The following SMARCA5 variants were observed in gnomAD, a reference collection of about 807,000 sequenced individuals.
The protein encoded by SMARCA5 is SWI/SNF-related matrix-associated actin-dependent regulator of chromatin subfamily A member 5.
A neutral mutation model predicts 140.4 loss-of-function variants in SMARCA5; 18 were observed. The observed-to-expected ratio is 0.13, with a 90% CI of 0.09 to 0.19. The LOEUF is 0.19. Among genes scored for constraint, SMARCA5 ranks in the 10% least tolerant of loss-of-function variants. The probability of loss-of-function intolerance (pLI) is 1.00; values close to 1 mark genes in which losing one functional copy is unlikely to be tolerated. For missense variants in SMARCA5, 606 were observed against 1,276.8 expected, an observed-to-expected ratio of 0.47 and a Z score of 8.01; for synonymous variants, 449 against 419.6, an observed-to-expected ratio of 1.07 and a Z score of -0.86.
At chr4:143,539,883 A>T (rs1212538046) in intron 13 of SMARCA5, among the ~76,000 whole-genome samples, 1 of 152,152 alleles carries the variant, frequency 6.6e-6, no homozygotes, top group African/African-American at 2.4e-5. Flanking sequence ...GACAGGGGAA[A>T]ATGGACCAAT....
At chr4:143,547,834 A>T (rs572956710) in intron 21 of SMARCA5, 94 bp from the exon 22 acceptor site, 5 of 728,802 alleles carry the variant, frequency 6.9e-6, no homozygotes, top group Non-Finnish European at 1.1e-5. Flanking sequence ...CTGATTTGAA[A>T]TGCAACATTT....
rs377525719 is a variant in SMARCA5, at chr4:143,514,075, G to T, written c.151G>T (p.Ala51Ser). Residue 51 changes from alanine (A) to serine (S), a missense_variant, in exon 1 of 24, where the codon GCT becomes TCT. Transcript: ENST00000283131. ...GCAGGCGGTTGCGTCTGCGGCCAGC[G>T]CTGGTCCCGCAGACGCCGAGATGGA... Reference protein sequence around the residue: ...AAQAVASAASAGPADAEMEEI... With the variant: ...AAQAVASAASSGPADAEMEEI... 1,565 of 1,557,196 alleles carry T rather than the reference G, an allele frequency of 1.0e-3. 2 individuals carry two copies. The highest frequency in any genetic ancestry group is 1.2e-3 in the Non-Finnish European group (1,449 of 1,160,002).
In SMARCA5 at chr4:143,553,353, C is replaced by T. The variant is rs907192686; in HGVS notation, c.*169C>T. On this transcript the variant is annotated 3_prime_UTR_variant, in exon 24 of 24. Transcript: ENST00000283131. ...TGTAGTTTCACTTTTTTAAATGCAA[C>T]AGCTGTGCTGAAATTTTTTTATCAT... 3 of 504,496 alleles carry T rather than the reference C, an allele frequency of 5.9e-6. No individual in the cohort carries two copies. The Admixed American group carries it at 1.1e-4, about 18-fold the overall frequency. 31.3% of individuals were successfully genotyped at this position (504,496 alleles called of 1,614,324 possible). A position where few individuals can be genotyped will look rare whatever the true frequency, so the allele number is the denominator to read the frequency against.
At chr4:143,539,969 A>T (rs1420705214) in intron 13 of SMARCA5, among the ~76,000 whole-genome samples, 1 of 152,218 alleles carries the variant, frequency 6.6e-6, no homozygotes, top group Non-Finnish European at 1.5e-5. Flanking sequence ...TAGTTTGACT[A>T]CTTGTATATA....
Position 143,527,910 on chromosome 4 carries a change from G to A in SMARCA5, c.844G>A (p.Val282Ile). 1 of 1,597,762 alleles carries A rather than the reference G, an allele frequency of 6.3e-7. No individual in the cohort carries two copies. Among genetic ancestry groups the A allele is most frequent in the East Asian group, 2.2e-5 (1 of 44,546 alleles). Residue 282 changes from valine to isoleucine, a missense_variant, in exon 7 of 24, where the codon GTA becomes ATA. By Grantham distance (29) the Val-to-Ile change is conservative. Transcript: ENST00000283131. ...RDVLLPGEWD[V>I]CVTSYEMLIK... ...CGTTTTATTACCGGGAGAATGGGAT[G>A]TATGTGTAACATCTTATGAAATGCT...
At chr4:143,543,753 TAAAG>T in intron 15 of SMARCA5, 96 bp downstream of exon 15, 1 of 1,511,294 alleles carries the variant, frequency 6.6e-7, no homozygotes, top group Non-Finnish European at 9.0e-7. Flanking sequence ...TTTATTTCCT[TAAAG>T]AGAAGCTTTT....
In SMARCA5 at chr4:143,534,935, T is replaced by C. The variant is rs144618658; in HGVS notation, c.1239T>C (p.Tyr413=). 21 of 1,612,840 alleles carry C rather than the reference T, an allele frequency of 1.3e-5. No individual in the cohort carries two copies. In the Middle Eastern group the frequency reaches 5.0e-4, roughly 38 times the overall value. Residue 413 remains tyrosine, a synonymous_variant, in exon 10 of 24, where the codon TAT becomes TAC. Coordinates refer to ENST00000283131, the MANE Select transcript of SMARCA5 (RefSeq NM_003601.4). The part of the protein sequence containing the change: ...SLPPKKEVKI[Y]VGLSKMQREW... ...CTCCAAAGAAGGAAGTAAAAATCTA[T>C]GTGGGCCTCAGCAAAATGCAAAGGG...
chr4:143,523,344 T>A (rs1737002184), intron 3 of SMARCA5, among the ~76,000 whole-genome samples: 1 of 152,164 alleles, frequency 6.6e-6, no homozygotes, highest in Admixed American at 6.5e-5. Flanking sequence ...CGTTTTTTTT[T>A]TAAGTCATTC....
intron 8 of SMARCA5, among the ~76,000 whole-genome samples, chr4:143,529,159 T>C (rs1214243685): frequency 6.6e-6 from 1 of 152,148 alleles, no homozygotes; most frequent in African/African-American, 2.4e-5. Context: ...GGTCTCAAGC[T>C]CCTGGCCTCA....
chr4:143,533,064 A>G (rs943529099), intron 9 of SMARCA5, among the ~76,000 whole-genome samples: 1 of 152,246 alleles, frequency 6.6e-6, no homozygotes, highest in Non-Finnish European at 1.5e-5. Flanking sequence ...GGTACAAAAA[A>G]GGGTATCTTT....
intron 9 of SMARCA5, 64 bp downstream of exon 9, chr4:143,530,590 A>G (rs1737164514): frequency 2.7e-6 from 3 of 1,099,832 alleles, no homozygotes; most frequent in Non-Finnish European, 2.7e-6. Flanking sequence ...GGTTTAAATT[A>G]GTAGATTATT....
intron 19 of SMARCA5, 126 bp from the exon 20 acceptor site, chr4:143,546,650 A>G (rs1737531393): frequency 1.3e-6 from 1 of 775,828 alleles, no homozygotes; most frequent in African/African-American, 1.8e-5. Context: ...ACGAAAAGTT[A>G]CCACTCTAAA....
chr4:143,514,306 C>T (rs1578787165), intron 1 of SMARCA5: 4 of 524,342 alleles, frequency 7.6e-6, no homozygotes, highest in South Asian at 5.6e-5. Flanking sequence ...TTTCTGGCTC[C>T]TCACATTTAA....
chr4:143,542,456 A>G (rs972358960), intron 14 of SMARCA5, among the ~76,000 whole-genome samples: 1 of 152,178 alleles, frequency 6.6e-6, no homozygotes, highest in Non-Finnish European at 1.5e-5. Context: ...AAGCATAAGA[A>G]CATTTTGGTA....
intron 2 of SMARCA5, among the ~76,000 whole-genome samples, chr4:143,517,647 G>C (rs1248756136): frequency 1.3e-5 from 2 of 152,148 alleles, no homozygotes; most frequent in Non-Finnish European, 2.9e-5. Flanking sequence ...TCATTATATG[G>C]AGGAAGGCCA....
chr4:143,543,667 A>C lies in SMARCA5; in HGVS notation c.2052+10A>C, dbSNP rs1237777330. ...AAGAGGTGCAAAGAAGGTGAGATGT[A>C]GATTAAATAATGCTTTTAATATAGA... On this transcript the variant is annotated intron_variant, in intron 15 of 23. Transcript: ENST00000283131. The C allele has an allele frequency of 1.2e-6, 2 of 1,603,710 alleles. No homozygotes were observed. Among genetic ancestry groups the C allele is most frequent in the Non-Finnish European group, 1.7e-6 (2 of 1,172,016 alleles).
intron 23 of SMARCA5, among the ~76,000 whole-genome samples, chr4:143,550,353 G>T (rs1170182441): frequency 6.6e-6 from 1 of 150,958 alleles, no homozygotes; most frequent in Admixed American, 6.6e-5. Context: ...GTATTTATAG[G>T]TTACATGAGA....
intron 9 of SMARCA5, among the ~76,000 whole-genome samples, chr4:143,534,327 A>G (rs1737259328): frequency 6.6e-6 from 1 of 152,112 alleles, no homozygotes; most frequent in Non-Finnish European, 1.5e-5. Flanking sequence ...CCCTTCAGGA[A>G]CCCAGTAGTA....
intron 23 of SMARCA5, among the ~76,000 whole-genome samples, chr4:143,552,307 T>C (rs1737655014): frequency 6.6e-6 from 1 of 152,130 alleles, no homozygotes; most frequent in Non-Finnish European, 1.5e-5. Flanking sequence ...TCTTTAGGTT[T>C]TTCCAAATGT....
Sources: allele counts gnomAD v4.1 joint callset (sites outside exome capture counted in the v4.1 genomes callset), GRCh38; gene constraint gnomAD v4.1.1; transcripts MANE v1.5; gene names NCBI Gene and HGNC (gene_info 2026-07-23, HGNC 2026-07-21).